PARD3B: variants seen among roughly 807,000 people sequenced by gnomAD.
PARD3B encodes the protein par-3 family cell polarity regulator beta, also known as partitioning defective 3 homolog B.
In PARD3B, 103 loss-of-function variants were observed where a neutral mutation model predicts 130.2. The ratio of observed to expected loss-of-function variants is 0.79; its 90% CI spans 0.67 to 0.93. PARD3B has a LOEUF of 0.93. PARD3B is among the 40% of genes least tolerant of loss of function. The probability of loss-of-function intolerance (pLI) is 0.00; values close to 1 mark genes in which losing one functional copy is unlikely to be tolerated. For synonymous variants in PARD3B, 583 were observed against 553.2 expected (o/e 1.05, Z -0.76); for missense variants, 1,609 against 1,499.2 (o/e 1.07, Z -1.21).
At chr2:204,971,589 C>CT (rs1162329098) in intron 3 of PARD3B, among the ~76,000 whole-genome samples, 7 of 150,308 alleles carry the variant, frequency 4.7e-5, no homozygotes, top group Non-Finnish European at 7.4e-5. Context: ...GTTTTTCTTT[C>CT]TTTTTTTTTC....
At chr2:204,987,686 A>T in intron 3 of PARD3B, among the ~76,000 whole-genome samples, 1 of 150,862 alleles carries the variant, frequency 6.6e-6, no homozygotes, top group Non-Finnish European at 1.5e-5. Flanking sequence ...CTTCTTCAGA[A>T]TTTTTTTTTT....
chr2:205,024,162 CTTTT>C (rs1172893472), intron 3 of PARD3B, among the ~76,000 whole-genome samples: 4 of 98,744 alleles, frequency 4.1e-5, no homozygotes, highest in South Asian at 4.0e-4. Context: ...TTCTTTCTTT[CTTTT>C]TTTTTTTTTT....
intron 13 of PARD3B, among the ~76,000 whole-genome samples, chr2:205,184,723 C>G (rs2035993234): frequency 6.6e-6 from 1 of 151,854 alleles, no homozygotes; most frequent in South Asian, 2.1e-4. Flanking sequence ...GCCTGGGTGG[C>G]AGAGCGAGAC....
chr2:204,679,972 T>G (rs1457848916), intron 1 of PARD3B, among the ~76,000 whole-genome samples: 1 of 152,096 alleles, frequency 6.6e-6, no homozygotes, highest in Non-Finnish European at 1.5e-5. Context: ...TACCTACATA[T>G]GTAGATTTTT....
At chr2:204,728,280 C>T (rs1240575574) in intron 2 of PARD3B, among the ~76,000 whole-genome samples, 2 of 151,950 alleles carry the variant, frequency 1.3e-5, no homozygotes, top group Non-Finnish European at 2.9e-5. Flanking sequence ...AGTGACTGCC[C>T]CACAACTTTA....
At chr2:205,372,570 G>C (rs757395594) in intron 18 of PARD3B, among the ~76,000 whole-genome samples, 4 of 152,168 alleles carry the variant, frequency 2.6e-5, no homozygotes, top group Non-Finnish European at 5.9e-5. Context: ...AATGAGAAAT[G>C]TAGAGAAAAA....
chr2:205,516,661 C>T (rs553022026), intron 21 of PARD3B, among the ~76,000 whole-genome samples: 3 of 152,074 alleles, frequency 2.0e-5, no homozygotes, highest in Admixed American at 2.0e-4. Context: ...GCTGAAGGAG[C>T]TTTTGGGTTG....
At chr2:205,296,475 C>T (rs1192031856) in intron 16 of PARD3B, among the ~76,000 whole-genome samples, 1 of 152,156 alleles carries the variant, frequency 6.6e-6, no homozygotes, top group Non-Finnish European at 1.5e-5. Flanking sequence ...TGAAGTGAGG[C>T]TTTCTATAAT....
At chr2:205,127,870 A>G (rs538640380) in intron 10 of PARD3B, among the ~76,000 whole-genome samples, 1 of 152,364 alleles carries the variant, frequency 6.6e-6, no homozygotes, top group Admixed American at 6.5e-5. Context: ...GAAATGATGC[A>G]GAAACTTGGA....
At chr2:205,210,273 A>T (rs905455305) in intron 15 of PARD3B, among the ~76,000 whole-genome samples, 28 of 151,998 alleles carry the variant, frequency 1.8e-4, no homozygotes, top group African/African-American at 6.5e-4. Flanking sequence ...TTAGTCTTAC[A>T]TATTTTTATT....
At chr2:205,551,216 A>G (rs1035777795) in intron 21 of PARD3B, among the ~76,000 whole-genome samples, 2 of 151,912 alleles carry the variant, frequency 1.3e-5, no homozygotes, top group Non-Finnish European at 2.9e-5. Flanking sequence ...CAACAATCAC[A>G]ATTAATAACC....
At chr2:205,009,816 A>G (rs1010411597) in intron 3 of PARD3B, among the ~76,000 whole-genome samples, 2 of 152,184 alleles carry the variant, frequency 1.3e-5, no homozygotes, top group African/African-American at 4.8e-5. Flanking sequence ...AGTACATATT[A>G]TCTAAAAATT....
At chr2:204,917,336 A>C (rs2047484638) in intron 2 of PARD3B, among the ~76,000 whole-genome samples, 1 of 152,204 alleles carries the variant, frequency 6.6e-6, no homozygotes, top group African/African-American at 2.4e-5. Flanking sequence ...AGAAGCTAGG[A>C]GCCAGTGAAG....
At chr2:204,899,256 C>CCCTTCCTTCCTT (rs147570066) in intron 2 of PARD3B, among the ~76,000 whole-genome samples, 9 of 128,214 alleles carry the variant, frequency 7.0e-5, no homozygotes, top group African/African-American at 2.9e-4. Context: ...CTCCCTCCCT[C>CCCTTCCTTCCTT]CCTTCCTTCC....
chr2:204,975,684 A>T (rs181441012), intron 3 of PARD3B, among the ~76,000 whole-genome samples: 77 of 152,314 alleles, frequency 5.1e-4, no homozygotes, highest in African/African-American at 1.8e-3. Context: ...CCTCAGACTA[A>T]TTTATTAGCA....
At chr2:204,997,434 T>A (rs1694326138) in intron 3 of PARD3B, among the ~76,000 whole-genome samples, 1 of 152,220 alleles carries the variant, frequency 6.6e-6, no homozygotes, top group African/African-American at 2.4e-5. Flanking sequence ...CAGTAAGGGT[T>A]GATGATCTCT....
At chr2:205,416,290 G>A (rs1380491218) in intron 19 of PARD3B, among the ~76,000 whole-genome samples, 1 of 152,040 alleles carries the variant, frequency 6.6e-6, no homozygotes, top group African/African-American at 2.4e-5. Context: ...GCTTAATAGT[G>A]TCTGGTAATA....
rs1215459038 is a variant in PARD3B, at chr2:205,280,147, A to G, written c.2186-20383A>G. Among the ~76,000 whole-genome samples, 1 of 152,224 alleles carries G rather than the reference A, an allele frequency of 6.6e-6. No homozygotes were observed. Among genetic ancestry groups the G allele is most frequent in the Admixed American group, 6.5e-5 (1 of 15,274 alleles). On this transcript the variant is annotated intron_variant, in intron 16 of 22. Transcript: ENST00000406610. The surrounding 1 kb of genome is among the most constrained non-coding windows in gnomAD (Gnocchi z 4.7). ...CCATTCTCTGACATAAATAGCTCTC[A>G]TATAATACCTTTCAGGGAAAAAAAT...
At position 204,778,124 on chromosome 2, in the gene PARD3B, A is replaced by C. The variant is rs146928877; in HGVS notation, c.222+91842A>C. Among the ~76,000 whole-genome samples the C allele has an allele frequency of 9.3e-5, 14 of 150,060 alleles. No individual in the cohort carries two copies. In the East Asian group the frequency reaches 2.7e-3, roughly 29 times the overall value. ...GGTAGTATCTTTATAGCAATGTGAG[A>C]ATGGGCTAACACACCCTCTATCAAA... is the stretch of plus-strand genomic sequence containing the variant. On this transcript the variant is annotated intron_variant, in intron 2 of 22. Transcript: ENST00000406610.
Sources: gnomAD v4.1 joint callset for allele counts (sites outside exome capture counted in the v4.1 genomes callset) on GRCh38, gnomAD v4.1.1 for gene constraint, Gnocchi (gnomAD v3.1) non-coding constraint, MANE v1.5 for transcripts, NCBI Gene and HGNC (gene_info 2026-07-23, HGNC 2026-07-21) for gene names.